Variants in VWA5B1 observed in about 807,000 individuals in gnomAD.
The protein encoded by VWA5B1 is von Willebrand factor A domain containing 5B1.
A neutral mutation model predicts 118.2 loss-of-function variants in VWA5B1; 115 were observed. That is an observed-to-expected ratio of 0.97 (90% confidence interval 0.84 to 1.14). VWA5B1 has a LOEUF of 1.14. Ranked by LOEUF, VWA5B1 falls within the 50% of genes most tolerant of loss-of-function variation. VWA5B1 has a pLI of 0.00. For synonymous variants in VWA5B1, 682 were observed against 658.4 expected, an observed-to-expected ratio of 1.04 and a Z score of -0.55; for missense variants, 1,596 against 1,603.8, an observed-to-expected ratio of 1.00 and a Z score of 0.08.
Position 20,309,617 on chromosome 1 carries a change from A to T in VWA5B1, c.-26-959A>T, listed in dbSNP as rs902601484. Among the ~76,000 whole-genome samples, 4 of 152,328 alleles carry T rather than the reference A, an allele frequency of 2.6e-5. No homozygotes were observed. In the East Asian group the frequency reaches 7.7e-4, roughly 29 times the overall value. On this transcript the variant is annotated intron_variant, in intron 1 of 21. Transcript: ENST00000289815. Reference sequence around the variant, plus strand: ...GCCCAACCCCACAGAGCCACAGGCCACCTTAAGCTTTGGTTCTCTGTCCAA... The same window carrying T: ...GCCCAACCCCACAGAGCCACAGGCCTCCTTAAGCTTTGGTTCTCTGTCCAA...
At position 20,354,299 on chromosome 1, in the gene VWA5B1, G is replaced by T. The variant is rs1364789944; in HGVS notation, c.*36G>T. The T allele has an allele frequency of 3.5e-6, 5 of 1,448,378 alleles. No homozygotes were observed. Among genetic ancestry groups the T allele is most frequent in the Non-Finnish European group, 4.7e-6 (5 of 1,072,300 alleles). 89.7% of individuals were successfully genotyped at this position (1,448,378 alleles called of 1,614,324 possible). ...GGGAGGCTGGGTGGAGGGAAGGGTG[G>T]GGAGGAGAGGGATGGGCAGGGCCAT... is the stretch of plus-strand genomic sequence containing the variant. On this transcript the variant is annotated 3_prime_UTR_variant, in exon 22 of 22. Coordinates refer to ENST00000289815, the MANE Select transcript of VWA5B1 (RefSeq NM_001039500.3).
At chr1:20,336,032 G>T (rs1053104208) in intron 12 of VWA5B1, among the ~76,000 whole-genome samples, 2 of 152,202 alleles carry the variant, frequency 1.3e-5, no homozygotes, top group African/African-American at 4.8e-5. Context: ...TTTGGAGACA[G>T]GAGTGGCATT....
chr1:20,339,804 C>T (rs1049203578), intron 14 of VWA5B1, among the ~76,000 whole-genome samples: 7 of 152,140 alleles, frequency 4.6e-5, no homozygotes, highest in African/African-American at 7.2e-5. Flanking sequence ...ACTGGCCCTG[C>T]GGTCTGGCTG....
rs1184142003 is a variant in VWA5B1 at position 20,348,377 on chromosome 1, G to A, written c.2878+19G>A. The A allele has an allele frequency of 2.6e-6, 4 of 1,551,208 alleles. No homozygotes were observed. In the African/African-American group the frequency reaches 5.5e-5, roughly 21 times the overall value. ...GGAAATGGTAAATTTCAGGCCCTAA[G>A]TAAGAGCCACCCTGGGCACTTTCGG... On this transcript the variant is annotated intron_variant, in intron 18 of 21. Transcript: ENST00000289815.
At chr1:20,350,311 G>A in intron 19 of VWA5B1, 81 bp downstream of exon 19, 9 of 1,467,974 alleles carry the variant, frequency 6.1e-6, no homozygotes, top group East Asian at 5.0e-5. Flanking sequence ...TCTTAGCACC[G>A]ACAAAGTCCT....
rs12034782 is a variant in VWA5B1 at position 20,355,085 on chromosome 1, A to G, written c.*822A>G. On this transcript the variant is annotated 3_prime_UTR_variant, in exon 22 of 22. Transcript: ENST00000289815. ...TCACAGAAGTCAATGAAGACACCAG[A>G]CAACACCTTACTTAATTTTCCCACT... Among the ~76,000 whole-genome samples the G allele has an allele frequency of 0.15, 23,042 of 152,086 alleles. 2,324 individuals are homozygous for G. Among genetic ancestry groups the G allele is most frequent in the East Asian group, 0.57 (2,916 of 5,106 alleles).
rs578247801 is a variant in VWA5B1, at chr1:20,357,964, C to A, written c.*3701C>A. Among the ~76,000 whole-genome samples the A allele has an allele frequency of 1.3e-5, 2 of 152,276 alleles. No individual in the cohort carries two copies. Among genetic ancestry groups the A allele is most frequent in the African/African-American group, 4.8e-5 (2 of 41,552 alleles). The stretch of plus-strand genomic sequence containing the variant: ...GCAACAGAGTGCCCCGAGGGCCCAA[C>A]CTCCCACCACATGCAGATGCAGAAC... On this transcript the variant is annotated 3_prime_UTR_variant, in exon 22 of 22. Transcript: ENST00000289815.
intron 14 of VWA5B1, 135 bp from the exon 15 acceptor site, chr1:20,342,297 G>A (rs1570203187): frequency 2.3e-6 from 2 of 875,382 alleles, no homozygotes; most frequent in Admixed American, 5.8e-5. Context: ...TGTGCCCCAG[G>A]AAAGAGCTGG....
intron 1 of VWA5B1, among the ~76,000 whole-genome samples, chr1:20,306,400 C>T (rs891066691): frequency 1.1e-4 from 17 of 152,260 alleles, no homozygotes; most frequent in Middle Eastern, 3.4e-3. Context: ...CAACTGGATC[C>T]TTGTCTTCAA....
intron 1 of VWA5B1, among the ~76,000 whole-genome samples, chr1:20,299,663 C>A (rs191830030): frequency 4.0e-4 from 61 of 152,346 alleles, no homozygotes; most frequent in Non-Finnish European, 7.2e-4. Context: ...CTCAGCCTCC[C>A]AGAGTGCTGG....
At chr1:20,297,421 G>A (rs1032359968) in intron 1 of VWA5B1, among the ~76,000 whole-genome samples, 1 of 152,180 alleles carries the variant, frequency 6.6e-6, no homozygotes, top group African/African-American at 2.4e-5. Flanking sequence ...AGTGACACAC[G>A]TCGCTTCCAC....
intron 1 of VWA5B1, among the ~76,000 whole-genome samples, chr1:20,292,384 C>T (rs1312418202): frequency 6.6e-6 from 1 of 152,224 alleles, no homozygotes; most frequent in Admixed American, 6.5e-5. Context: ...CTGTGGTCAG[C>T]TGGGTTGGCC....
At chr1:20,317,880 C>A (rs1243289048) in intron 5 of VWA5B1, among the ~76,000 whole-genome samples, 1 of 151,882 alleles carries the variant, frequency 6.6e-6, no homozygotes, top group Non-Finnish European at 1.5e-5. Flanking sequence ...TTCAAGGCAA[C>A]CGACTTTCAC....
At chr1:20,313,134 C>T (rs1313348381) in intron 3 of VWA5B1, 146 bp downstream of exon 3, 2 of 1,143,990 alleles carry the variant, frequency 1.7e-6, no homozygotes, top group Admixed American at 2.8e-5. Context: ...GGACAGAATC[C>T]TGTGCCACCT....
In VWA5B1 at chr1:20,358,058, G is replaced by A. The variant is rs1302358471; in HGVS notation, c.*3795G>A. ...GATAACTGGGCCCCATCCTTTGGCA[G>A]ACTTACACTGGACTTGTCCATAAGC... is the stretch of plus-strand genomic sequence containing the variant. On this transcript the variant is annotated 3_prime_UTR_variant, in exon 22 of 22. Coordinates refer to ENST00000289815, the MANE Select transcript of VWA5B1 (RefSeq NM_001039500.3). Among the ~76,000 whole-genome samples, 1 of 152,206 alleles carries A rather than the reference G, an allele frequency of 6.6e-6. No homozygotes were observed. The highest frequency in any genetic ancestry group is 1.5e-5 in the Non-Finnish European group (1 of 68,034).
At chr1:20,327,650 CGAT>C (rs1220933586) in intron 8 of VWA5B1, among the ~76,000 whole-genome samples, 9 of 147,404 alleles carry the variant, frequency 6.1e-5, no homozygotes, top group Admixed American at 2.0e-4. Flanking sequence ...ACGACGACGA[CGAT>C]GATGATGATG....
intron 14 of VWA5B1, among the ~76,000 whole-genome samples, chr1:20,341,338 C>T (rs1207885097): frequency 6.6e-6 from 1 of 152,164 alleles, no homozygotes; most frequent in East Asian, 1.9e-4. Context: ...GAGGAATTAC[C>T]AGACCAAAGG....
rs2089133306 is a variant in VWA5B1, at chr1:20,319,413, A to C, written c.873A>C (p.Lys291Asn). The C allele has an allele frequency of 5.8e-6, 9 of 1,551,762 alleles. No homozygotes were observed. The highest frequency in any genetic ancestry group is 7.8e-6 in the Non-Finnish European group (9 of 1,147,002). Reference protein sequence around the residue: ...EPHMPHVLIEKGDMTLGEFDQ... With the variant: ...EPHMPHVLIENGDMTLGEFDQ... ...ATATGCCCCATGTCCTGATAGAGAA[A>C]GGGGACATGACCCTGGGAGAGTTTG... The change falls in exon 7 of 22, where the codon AAA (lysine) becomes AAC (asparagine). Residue 291 changes from lysine (K) to asparagine (N), a missense_variant. Lys to Asn is a moderately conservative substitution (Grantham distance 94). Transcript: ENST00000289815.
At position 20,359,145 on chromosome 1, in the gene VWA5B1, G is replaced by T. The variant is rs796103401; in HGVS notation, c.*4882G>T. On this transcript the variant is annotated 3_prime_UTR_variant, in exon 22 of 22. Coordinates refer to ENST00000289815, the MANE Select transcript of VWA5B1 (RefSeq NM_001039500.3). ...CAATGCGCCTCATCTCAATGCCGCT[G>T]ACTGTGGTGACACATGTGGTATAGT... 3.5e-4 allele frequency among the ~76,000 whole-genome samples: 53 copies of T among 152,364 alleles called. No individual in the cohort carries two copies. The highest frequency in any genetic ancestry group is 1.3e-3 in the African/African-American group (52 of 41,586).
Sources: gnomAD v4.1 joint callset for allele counts (sites outside exome capture counted in the v4.1 genomes callset) on GRCh38, gnomAD v4.1.1 for gene constraint, MANE v1.5 for transcripts, NCBI Gene and HGNC (gene_info 2026-07-23, HGNC 2026-07-21) for gene names.